TRAPPC9: variants seen among roughly 807,000 people sequenced by gnomAD.
TRAPPC9 encodes the protein IKK2 binding protein.
A neutral mutation model predicts 124.0 loss-of-function variants in TRAPPC9; 83 were observed. The ratio of observed to expected loss-of-function variants is 0.67; its 90% CI spans 0.56 to 0.80. TRAPPC9 has a LOEUF of 0.80. Among genes scored for constraint, TRAPPC9 ranks in the 30% least tolerant of loss-of-function variants. The pLI is 0.00. For missense variants in TRAPPC9, 1,302 were observed against 1,508.3 expected (o/e 0.86, Z 2.27); for synonymous variants, 638 against 617.5 (o/e 1.03, Z -0.49).
intron 8 of TRAPPC9, among the ~76,000 whole-genome samples, chr8:140,369,212 G>T (rs1247888280): frequency 6.6e-6 from 1 of 152,194 alleles, no homozygotes; most frequent in Non-Finnish European, 1.5e-5. Context: ...GAAGATGGTT[G>T]AACAGTAAGA....
intron 19 of TRAPPC9, among the ~76,000 whole-genome samples, chr8:139,925,216 G>GA (rs1236886674): frequency 3.5e-4 from 54 of 152,226 alleles, no homozygotes; most frequent in African/African-American, 1.2e-3. Context: ...CCACAGTGTG[G>GA]AAAAAAATGC....
chr8:139,879,956 G>A (rs1587078217), intron 21 of TRAPPC9, among the ~76,000 whole-genome samples: 1 of 152,154 alleles, frequency 6.6e-6, no homozygotes, highest in African/African-American at 2.4e-5. Flanking sequence ...AGGTCTGTGG[G>A]ATTTGAAGCC....
chr8:140,033,729 T>C (rs1363345000), intron 17 of TRAPPC9, among the ~76,000 whole-genome samples: 1 of 119,806 alleles, frequency 8.3e-6, no homozygotes, highest in African/African-American at 3.2e-5. Flanking sequence ...TCGCCCAGGC[T>C]GGAGTGCAGG....
At chr8:140,452,419 C>CAAAAA (rs1161960216) in intron 1 of TRAPPC9, among the ~76,000 whole-genome samples, 1 of 40,346 alleles carries the variant, frequency 2.5e-5, no homozygotes, top group African/African-American at 8.6e-5. Flanking sequence ...GACTGCATCT[C>CAAAAA]AAAAAAAAAA....
intron 1 of TRAPPC9, among the ~76,000 whole-genome samples, chr8:140,452,419 C>CAAAA (rs1161960216): frequency 7.5e-5 from 3 of 40,250 alleles, no homozygotes; most frequent in Non-Finnish European, 1.1e-4. Flanking sequence ...GACTGCATCT[C>CAAAA]AAAAAAAAAA....
intron 21 of TRAPPC9, among the ~76,000 whole-genome samples, chr8:139,759,710 C>A (rs556732613): frequency 3.7e-4 from 56 of 152,306 alleles, no homozygotes; most frequent in African/African-American, 1.2e-3. Flanking sequence ...GGGCCGGGCT[C>A]CCCTGGGGGG....
chr8:140,117,769 C>T (rs796776508), intron 17 of TRAPPC9, among the ~76,000 whole-genome samples: 4 of 152,246 alleles, frequency 2.6e-5, no homozygotes, highest in African/African-American at 9.6e-5. Flanking sequence ...TAACATGCTG[C>T]GTAACAGAAC....
intron 17 of TRAPPC9, among the ~76,000 whole-genome samples, chr8:140,119,393 C>T (rs1468762316): frequency 1.3e-5 from 2 of 152,200 alleles, no homozygotes; most frequent in Non-Finnish European, 2.9e-5. Context: ...CCCCCTTTCC[C>T]GCAAGTCCCC....
chr8:140,378,127 T>G (rs920592587), intron 7 of TRAPPC9, among the ~76,000 whole-genome samples: 1 of 152,242 alleles, frequency 6.6e-6, no homozygotes, highest in Non-Finnish European at 1.5e-5. Flanking sequence ...CTTATGTTTT[T>G]CTGCCAGGAG....
chr8:140,312,383 A>G (rs1039666389), intron 9 of TRAPPC9, among the ~76,000 whole-genome samples: 1 of 152,194 alleles, frequency 6.6e-6, no homozygotes, highest in Non-Finnish European at 1.5e-5. Flanking sequence ...GTCTTTCCCT[A>G]TCTACTGTGC....
chr8:140,300,692 G>C (rs2065951687), intron 10 of TRAPPC9, 78 bp from the exon 11 acceptor site: 1 of 1,568,114 alleles, frequency 6.4e-7, no homozygotes, highest in Non-Finnish European at 8.8e-7. Context: ...CAAACATGAT[G>C]TATCAGAAAA....
intron 5 of TRAPPC9, among the ~76,000 whole-genome samples, chr8:140,407,996 G>T (rs1454860451): frequency 6.6e-6 from 1 of 152,146 alleles, no homozygotes; most frequent in Admixed American, 6.5e-5. Flanking sequence ...ATAAACCATA[G>T]GAAAATAACA....
intron 21 of TRAPPC9, among the ~76,000 whole-genome samples, chr8:139,745,968 T>C (rs1818856631): frequency 6.6e-6 from 1 of 152,250 alleles, no homozygotes; most frequent in South Asian, 2.1e-4. Context: ...GCTCACTTGA[T>C]GGACAAGCCT....
intron 21 of TRAPPC9, among the ~76,000 whole-genome samples, chr8:139,884,936 G>A (rs1157816508): frequency 6.6e-6 from 1 of 152,208 alleles, no homozygotes; most frequent in Admixed American, 6.5e-5. Flanking sequence ...GCTGAAGGGC[G>A]CTGGTGGAGT....
chr8:140,150,940 C>G (rs1015010638), intron 17 of TRAPPC9, among the ~76,000 whole-genome samples: 1 of 152,132 alleles, frequency 6.6e-6, no homozygotes, highest in African/African-American at 2.4e-5. Flanking sequence ...GGAACGCTAT[C>G]CTGAAAGACA....
At chr8:139,860,393 T>C (rs964255907) in intron 21 of TRAPPC9, among the ~76,000 whole-genome samples, 1 of 152,192 alleles carries the variant, frequency 6.6e-6, no homozygotes, top group Non-Finnish European at 1.5e-5. Flanking sequence ...GTGCAAGACC[T>C]TCTGCTGCCA....
chr8:140,079,601 G>A (rs1233959364), intron 17 of TRAPPC9, among the ~76,000 whole-genome samples: 3 of 152,136 alleles, frequency 2.0e-5, no homozygotes, highest in African/African-American at 7.2e-5. Flanking sequence ...AACTACAGTG[G>A]CACACTGGCA....
chr8:139,832,827 C>T (rs1005000287), intron 21 of TRAPPC9, among the ~76,000 whole-genome samples: 1 of 152,130 alleles, frequency 6.6e-6, no homozygotes, highest in Non-Finnish European at 1.5e-5. Flanking sequence ...GGATAGCGTC[C>T]TCCCCATGAG....
chr8:140,289,381 G>A (rs2131748907), intron 12 of TRAPPC9, among the ~76,000 whole-genome samples: 1 of 152,240 alleles, frequency 6.6e-6, no homozygotes, highest in African/African-American at 2.4e-5. Context: ...AAGGGTGGAA[G>A]CCGAGGAGCC....
Sources: gnomAD v4.1 joint callset for allele counts (sites outside exome capture counted in the v4.1 genomes callset) on GRCh38, gnomAD v4.1.1 for gene constraint, MANE v1.5 for transcripts, NCBI Gene and HGNC (gene_info 2026-07-23, HGNC 2026-07-21) for gene names.